Variants in CEMIP observed in about 807,000 individuals in gnomAD.
The protein encoded by CEMIP is cell migration-inducing and hyaluronan-binding protein.
In CEMIP, 105 loss-of-function variants were observed where a neutral mutation model predicts 156.9. The ratio of observed to expected loss-of-function variants is 0.67; its 90% confidence interval spans 0.57 to 0.79. CEMIP has a LOEUF of 0.79. Among genes scored for constraint, CEMIP ranks in the 30% least tolerant of loss-of-function variants. The pLI, the probability that CEMIP is intolerant of heterozygous loss-of-function variation, is 0.00. For missense variants in CEMIP, 1,457 were observed against 1,769.4 expected (o/e 0.82, Z 3.17); for synonymous variants, 676 against 668.4 (o/e 1.01, Z -0.17).
intron 1 of CEMIP, among the ~76,000 whole-genome samples, chr15:80,783,128 A>G (rs1250243915): frequency 6.6e-6 from 1 of 152,248 alleles, no homozygotes; most frequent in Non-Finnish European, 1.5e-5. Flanking sequence ...AATTATTCTC[A>G]TCAGCCTCCT....
In CEMIP at chr15:80,942,864, G is replaced by T; in HGVS notation, c.3700-81G>T. The T allele has an allele frequency of 1.9e-6, 3 of 1,543,052 alleles. No homozygotes were observed. In the Admixed American group the frequency reaches 5.0e-5, roughly 26 times the overall value. On this transcript the variant is annotated intron_variant, in intron 27 of 29. Transcript: ENST00000394685. ...TGCATAGGCAACTTCTGCCTTCAGGGTCTGCTTGGGAACCACCTGGGCAGG... is the reference window on the plus strand; with the variant it reads ...TGCATAGGCAACTTCTGCCTTCAGGTTCTGCTTGGGAACCACCTGGGCAGG...
intron 1 of CEMIP, among the ~76,000 whole-genome samples, chr15:80,786,895 T>C (rs1185995756): frequency 2.0e-5 from 3 of 152,226 alleles, no homozygotes; most frequent in African/African-American, 2.4e-5. Context: ...ATTTTCAGGG[T>C]TTAAAATTTG....
chr15:80,804,099 C>T (rs1400106463), intron 1 of CEMIP, among the ~76,000 whole-genome samples: 1 of 152,212 alleles, frequency 6.6e-6, no homozygotes, highest in African/African-American at 2.4e-5. Flanking sequence ...TACTTATTCA[C>T]TTTCAAGAGA....
intron 1 of CEMIP, among the ~76,000 whole-genome samples, chr15:80,797,634 G>A (rs148445769): frequency 1.4e-5 from 2 of 141,588 alleles, no homozygotes; most frequent in Non-Finnish European, 3.1e-5. Context: ...TAGAAGAAAC[G>A]TACAAAAACT....
intron 28 of CEMIP, among the ~76,000 whole-genome samples, chr15:80,944,579 G>A (rs193061327): frequency 8.1e-4 from 123 of 152,282 alleles, no homozygotes; most frequent in Middle Eastern, 6.8e-3. Context: ...GACTCCATGA[G>A]GGGCACGACG....
intron 1 of CEMIP, among the ~76,000 whole-genome samples, chr15:80,793,701 C>T (rs1896142303): frequency 6.6e-6 from 1 of 152,186 alleles, no homozygotes; most frequent in Non-Finnish European, 1.5e-5. Context: ...TGTAAACCAG[C>T]ATGCACCATG....
intron 1 of CEMIP, among the ~76,000 whole-genome samples, chr15:80,831,332 G>C (rs1254856258): frequency 1.3e-5 from 2 of 152,174 alleles, no homozygotes; most frequent in Non-Finnish European, 2.9e-5. Flanking sequence ...GGGGAGGATA[G>C]AGAGAGCCTG....
At chr15:80,880,590 C>T (rs1422671450) in intron 5 of CEMIP, among the ~76,000 whole-genome samples, 1 of 152,124 alleles carries the variant, frequency 6.6e-6, no homozygotes, top group African/African-American at 2.4e-5. Flanking sequence ...CATGTTCCAC[C>T]ACGCCTGGCT....
chr15:80,891,207 C>G (rs11636063), intron 10 of CEMIP, among the ~76,000 whole-genome samples: 45,199 of 152,112 alleles, frequency 0.3, 8,334 homozygotes, highest in Non-Finnish European at 0.43. Context: ...TTTGCTCTGC[C>G]AGTTTTCTGG....
chr15:80,854,507 ACT>A (rs1357203343), intron 1 of CEMIP, among the ~76,000 whole-genome samples: 3 of 152,154 alleles, frequency 2.0e-5, no homozygotes, highest in African/African-American at 7.2e-5. Flanking sequence ...TCAGGGCAAG[ACT>A]CTTTCAAAAG....
At chr15:80,882,542 G>A (rs144639565) in intron 6 of CEMIP, among the ~76,000 whole-genome samples, 212 of 152,304 alleles carry the variant, frequency 1.4e-3, no homozygotes, top group African/African-American at 4.2e-3. Flanking sequence ...TTTTGGTGCT[G>A]TTTCTTAAGT....
Position 80,887,606 on chromosome 15 carries a change from G to A in CEMIP, c.798-88G>A, listed in dbSNP as rs899360440. On this transcript the variant is annotated intron_variant, in intron 7 of 29. Transcript: ENST00000394685. ...GAGGGACCCTCCTTCACCTGACGCT[G>A]CTTCAACTCTGCCCCATCCCCCCAC... 7.1e-6 allele frequency: 7 copies of A among 981,924 alleles called. No homozygotes were observed. The African/African-American group carries it at 9.6e-5, about 13-fold the overall frequency. 60.8% of individuals were successfully genotyped at this position (981,924 alleles called of 1,614,324 possible).
chr15:80,832,707 A>C (rs1397162666), intron 1 of CEMIP, among the ~76,000 whole-genome samples: 1 of 152,164 alleles, frequency 6.6e-6, no homozygotes. Context: ...AAAATCTGGA[A>C]AATTCACATT....
At chr15:80,865,964 C>G (rs1226385661) in intron 1 of CEMIP, among the ~76,000 whole-genome samples, 2 of 152,096 alleles carry the variant, frequency 1.3e-5, no homozygotes, top group Admixed American at 1.3e-4. Flanking sequence ...TTTCCCCCAG[C>G]ACCAGCGCAG....
At position 80,905,472 on chromosome 15, in the gene CEMIP, T is replaced by A. The variant is rs143251504; in HGVS notation, c.1412-1191T>A. Among the ~76,000 whole-genome samples, 53 of 152,334 alleles carry A rather than the reference T, an allele frequency of 3.5e-4. 1 individual carries two copies. The highest frequency in any genetic ancestry group is 1.2e-3 in the African/African-American group (51 of 41,580). ...GGCAGTTCTAAAGTTTGAACTCTTG[T>A]CACCCTGCACCGTTCTTGAGATGCA... On this transcript the variant is annotated intron_variant, in intron 12 of 29. Transcript: ENST00000394685.
chr15:80,939,657 T>C (rs533747600), intron 25 of CEMIP, among the ~76,000 whole-genome samples: 25 of 152,352 alleles, frequency 1.6e-4, no homozygotes, highest in African/African-American at 6.0e-4. Flanking sequence ...TTTTGGTTGG[T>C]AGCATAGCTT....
intron 17 of CEMIP, 114 bp downstream of exon 17, chr15:80,922,251 T>C (rs897186321): frequency 5.8e-6 from 8 of 1,374,806 alleles, no homozygotes; most frequent in Non-Finnish European, 7.2e-6. Flanking sequence ...ACTGCATTCT[T>C]AATGCTGGTC....
At chr15:80,905,117 C>T (rs1158226699) in intron 12 of CEMIP, among the ~76,000 whole-genome samples, 1 of 152,146 alleles carries the variant, frequency 6.6e-6, no homozygotes, top group Admixed American at 6.5e-5. Context: ...GACAGTGTCA[C>T]TGGAGTGGGT....
intron 12 of CEMIP, among the ~76,000 whole-genome samples, chr15:80,905,073 C>CAAGA (rs1331339125): frequency 6.6e-6 from 1 of 152,294 alleles, no homozygotes; most frequent in African/African-American, 2.4e-5. Flanking sequence ...AAGGGGCAGG[C>CAAGA]AAGAGTCAGC....
Sources: allele counts gnomAD v4.1 joint callset (sites outside exome capture counted in the v4.1 genomes callset), GRCh38; gene constraint gnomAD v4.1.1; transcripts MANE v1.5; gene names NCBI Gene and HGNC (gene_info 2026-07-23, HGNC 2026-07-21).